Variants in IQSEC1 observed in about 807,000 individuals in gnomAD.
The protein encoded by IQSEC1 is IQ motif and SEC7 domain-containing protein 1.
In IQSEC1, 31 loss-of-function variants were observed where a neutral mutation model predicts 91.0. That is an observed-to-expected ratio of 0.34 (90% CI 0.26 to 0.46). The LOEUF (loss-of-function observed/expected upper bound fraction) is 0.46. IQSEC1 is among the 20% of genes least tolerant of loss of function. IQSEC1 has a pLI of 1.00. For missense variants in IQSEC1, 1,388 were observed against 1,575.6 expected (o/e 0.88, Z 2.02); for synonymous variants, 699 against 662.6 (o/e 1.05, Z -0.84).
intron 1 of IQSEC1, among the ~76,000 whole-genome samples, chr3:12,961,340 T>A (rs1700230297): frequency 6.6e-6 from 1 of 152,228 alleles, no homozygotes; most frequent in African/African-American, 2.4e-5. Context: ...ATTTGCCCAT[T>A]CCTATCTAAA....
At chr3:12,955,106 T>C (rs1422230168) in intron 1 of IQSEC1, among the ~76,000 whole-genome samples, 1 of 152,240 alleles carries the variant, frequency 6.6e-6, no homozygotes, top group Non-Finnish European at 1.5e-5. Flanking sequence ...TCCTCTGCTC[T>C]GCAGCTGGGT....
chr3:13,263,262 C>G (rs942382597), intron 1 of IQSEC1, among the ~76,000 whole-genome samples: 3 of 151,700 alleles, frequency 2.0e-5, no homozygotes, highest in African/African-American at 4.8e-5. Context: ...CAAAACAAAA[C>G]AAAACAAAAC....
intron 1 of IQSEC1, among the ~76,000 whole-genome samples, chr3:13,220,542 A>G (rs1694638019): frequency 6.6e-6 from 1 of 152,258 alleles, no homozygotes; most frequent in Non-Finnish European, 1.5e-5. Context: ...CCCAGGGAAG[A>G]GGACTCCCTG....
intron 2 of IQSEC1, among the ~76,000 whole-genome samples, chr3:13,113,300 A>G (rs1706280967): frequency 6.6e-6 from 1 of 152,174 alleles, no homozygotes; most frequent in African/African-American, 2.4e-5. Context: ...GGTGGGTTCA[A>G]TATGGAAGAG....
intron 1 of IQSEC1, among the ~76,000 whole-genome samples, chr3:12,998,169 G>T (rs1702290203): frequency 6.6e-6 from 1 of 152,106 alleles, no homozygotes; most frequent in Admixed American, 6.6e-5. Flanking sequence ...AGGCAACATG[G>T]CAAAACACCG....
chr3:13,130,341 CA>C (rs58162524), intron 2 of IQSEC1, among the ~76,000 whole-genome samples: 1,670 of 61,892 alleles, frequency 0.027, 10 homozygotes, highest in African/African-American at 0.043. Flanking sequence ...GAGACTCTGT[CA>C]AAAAAAAAAA....
At chr3:13,005,260 AC>A (rs1702585696) in intron 1 of IQSEC1, among the ~76,000 whole-genome samples, 1 of 152,018 alleles carries the variant, frequency 6.6e-6, no homozygotes, top group Middle Eastern at 3.2e-3. Flanking sequence ...GAGTTCCCAT[AC>A]TTCACGGTGT....
At position 13,161,773 on chromosome 3, in the gene IQSEC1, C is replaced by G. The variant is rs527841042; in HGVS notation, c.302+2331G>C. ...CTGGAAGAACTAAACACAGCCTTCC[C>G]TGCTGGAACTTCCATCCGCGATCTC... is the stretch of plus-strand genomic sequence containing the variant. On this transcript the variant is annotated intron_variant, in intron 2 of 15. Coordinates refer to the IQSEC1 transcript ENST00000648114. 3.5e-4 allele frequency among the ~76,000 whole-genome samples: 54 copies of G among 152,366 alleles called. No homozygotes were observed. In the South Asian group the frequency reaches 0.011, roughly 30 times the overall value.
At chr3:13,135,983 C>A (rs574937443) in intron 2 of IQSEC1, among the ~76,000 whole-genome samples, 4 of 152,212 alleles carry the variant, frequency 2.6e-5, no homozygotes, top group Non-Finnish European at 5.9e-5. Context: ...GACTCTGCTG[C>A]GTGGGACAGT....
In IQSEC1 at chr3:13,064,003, A is replaced by C. The variant is rs1253919717; in HGVS notation, c.23+8989T>G. On this transcript the variant is annotated intron_variant, in intron 1 of 13. Coordinates refer to ENST00000613206, the MANE Select transcript of IQSEC1 (RefSeq NM_001134382.3). The stretch of plus-strand genomic sequence containing the variant: ...AATCGTAGATTCATTTGCAGTTGTA[A>C]AAAAAAAAAAAACAAAAAACAATAC... Among the ~76,000 whole-genome samples, 60 of 41,434 alleles carry C rather than the reference A, an allele frequency of 1.4e-3. 1 individual carries two copies. Among genetic ancestry groups the C allele is most frequent in the African/African-American group, 2.7e-3 (53 of 19,504 alleles). The allele number at this position is 41,434 out of a possible 152,430, so 27.2% of individuals were successfully genotyped here.
intron 1 of IQSEC1, among the ~76,000 whole-genome samples, chr3:13,065,446 A>G (rs1286966965): frequency 2.0e-5 from 3 of 152,232 alleles, no homozygotes; most frequent in Admixed American, 2.0e-4. Context: ...TATATTTGAA[A>G]AACAACAAAG....
At chr3:13,120,800 G>A (rs73147122) in intron 2 of IQSEC1, among the ~76,000 whole-genome samples, 3 of 152,074 alleles carry the variant, frequency 2.0e-5, no homozygotes, top group Non-Finnish European at 4.4e-5. Context: ...TGACAGAGAG[G>A]GGCAGGGGAC....
intron 1 of IQSEC1, among the ~76,000 whole-genome samples, chr3:13,226,615 T>G (rs1351720157): frequency 6.6e-6 from 1 of 151,168 alleles, no homozygotes; most frequent in Non-Finnish European, 1.5e-5. Flanking sequence ...TGGTTAAAAA[T>G]TTGCCTCATC....
intron 1 of IQSEC1, among the ~76,000 whole-genome samples, chr3:13,208,849 T>A (rs2125060184): frequency 6.6e-6 from 1 of 152,336 alleles, no homozygotes; most frequent in East Asian, 1.9e-4. Context: ...GCGTGCTCAC[T>A]GCCCTGCCGT....
At chr3:13,104,744 C>T (rs1023775361) in intron 2 of IQSEC1, among the ~76,000 whole-genome samples, 6 of 152,190 alleles carry the variant, frequency 3.9e-5, no homozygotes, top group Non-Finnish European at 7.3e-5. Flanking sequence ...CGGCCACTAG[C>T]GGACGCTAAC....
chr3:13,017,563 G>C (rs1211924263), intron 1 of IQSEC1, among the ~76,000 whole-genome samples: 6 of 152,198 alleles, frequency 3.9e-5, no homozygotes, highest in Admixed American at 1.3e-4. Flanking sequence ...CTTGGACTCA[G>C]GTCCTCCTCT....
intron 1 of IQSEC1, among the ~76,000 whole-genome samples, chr3:13,238,069 C>T (rs1419780863): frequency 2.0e-5 from 3 of 152,220 alleles, no homozygotes; most frequent in African/African-American, 4.8e-5. Flanking sequence ...ACAAGCACAA[C>T]GCATGGTCGG....
At chr3:13,154,960 A>G (rs1378891269) in intron 2 of IQSEC1, among the ~76,000 whole-genome samples, 1 of 152,202 alleles carries the variant, frequency 6.6e-6, no homozygotes, top group Non-Finnish European at 1.5e-5. Flanking sequence ...AACACAACAT[A>G]GCAAAGCTTA....
intron 1 of IQSEC1, among the ~76,000 whole-genome samples, chr3:12,958,036 A>AGTGAGGAGGG: frequency 6.6e-6 from 1 of 152,282 alleles, no homozygotes; most frequent in East Asian, 1.9e-4. Flanking sequence ...TCACAAAGAA[A>AGTGAGGAGGG]GTGAGGAGGG....
Sources: allele counts gnomAD v4.1 joint callset (sites outside exome capture counted in the v4.1 genomes callset), GRCh38; gene constraint gnomAD v4.1.1; transcripts MANE v1.5; gene names NCBI Gene and HGNC (gene_info 2026-07-23, HGNC 2026-07-21).